SLC8A1: variants seen among roughly 807,000 people sequenced by gnomAD.
The protein encoded by SLC8A1 is sodium/calcium exchanger 1.
Under a neutral mutation model 68.3 loss-of-function variants are expected in SLC8A1, and 18 were observed. That is an observed-to-expected ratio of 0.26 (90% CI 0.18 to 0.39). SLC8A1 has a LOEUF of 0.39. Ranked by LOEUF, SLC8A1 falls within the 10% of genes least tolerant of loss-of-function variation. SLC8A1 has a pLI of 1.00. For synonymous variants in SLC8A1, 475 were observed against 415.5 expected (o/e 1.14, Z -1.74); for missense variants, 985 against 1,156.7 (o/e 0.85, Z 2.15).
intron 2 of SLC8A1, among the ~76,000 whole-genome samples, chr2:40,209,721 T>C (rs984969843): frequency 1.5e-4 from 23 of 152,054 alleles, no homozygotes; most frequent in African/African-American, 5.3e-4. Flanking sequence ...CATGGGTAGA[T>C]GTGGTCATGG....
intron 2 of SLC8A1, among the ~76,000 whole-genome samples, chr2:40,286,380 A>G (rs1030368964): frequency 1.3e-5 from 2 of 152,208 alleles, no homozygotes; most frequent in East Asian, 1.9e-4. Flanking sequence ...CTAGGTTGCC[A>G]TTGCCTTAAG....
intron 1 of SLC8A1, among the ~76,000 whole-genome samples, chr2:40,498,805 T>C (rs903166639): frequency 3.9e-5 from 6 of 152,052 alleles, no homozygotes; most frequent in African/African-American, 4.8e-5. Flanking sequence ...GCAGGCTAGA[T>C]GACATTTAGA....
intron 2 of SLC8A1, among the ~76,000 whole-genome samples, chr2:40,229,219 G>A (rs1317043781): frequency 2.0e-5 from 3 of 151,944 alleles, no homozygotes; most frequent in Non-Finnish European, 2.9e-5. Flanking sequence ...AGTGGAAGAG[G>A]TATCAATTAG....
At chr2:40,218,923 CT>C (rs1480300804) in intron 2 of SLC8A1, among the ~76,000 whole-genome samples, 1 of 152,052 alleles carries the variant, frequency 6.6e-6, no homozygotes, top group African/African-American at 2.4e-5. Flanking sequence ...GGAGTTACCC[CT>C]GAGTGCTTTT....
In SLC8A1 at chr2:40,270,508, T is replaced by C. The variant is rs141757724; in HGVS notation, c.1809-92653A>G. Among the ~76,000 whole-genome samples the C allele has an allele frequency of 2.0e-3, 300 of 152,328 alleles. 1 individual carries two copies. Among genetic ancestry groups the C allele is most frequent in the African/African-American group, 7.0e-3 (289 of 41,580 alleles). Reference sequence around the variant, plus strand: ...ACAGATCACCTGCATTCCCTGGCCTTTGGCCCTTTCCTCTATCTTCACAGT... The same window carrying C: ...ACAGATCACCTGCATTCCCTGGCCTCTGGCCCTTTCCTCTATCTTCACAGT... On this transcript the variant is annotated intron_variant, in intron 2 of 7. Transcript: ENST00000406785.
At chr2:40,226,928 T>G (rs2059052823) in intron 2 of SLC8A1, among the ~76,000 whole-genome samples, 1 of 152,188 alleles carries the variant, frequency 6.6e-6, no homozygotes, top group South Asian at 2.1e-4. Flanking sequence ...TACTGTTCTA[T>G]GTTAAAATAG....
At chr2:40,501,221 T>C (rs1706041947) in intron 1 of SLC8A1, among the ~76,000 whole-genome samples, 2 of 152,088 alleles carry the variant, frequency 1.3e-5, no homozygotes, top group South Asian at 4.1e-4. Context: ...TCTATCCTTC[T>C]CTATCTCTTT....
chr2:40,106,793 CA>C (rs1485243151), exon 8 of SLC8A1: 1 of 152,154 alleles, frequency 6.6e-6, no homozygotes, highest in Non-Finnish European at 1.5e-5. Flanking sequence ...AGAAATAAAA[CA>C]AAGTCTTTCC....
intron 2 of SLC8A1, among the ~76,000 whole-genome samples, chr2:40,261,377 T>C (rs1454686148): frequency 6.6e-6 from 1 of 152,208 alleles, no homozygotes; most frequent in Non-Finnish European, 1.5e-5. Context: ...AGGGTTTCTC[T>C]TTTGTACCAA....
chr2:40,408,314 C>T (rs1691022598), intron 2 of SLC8A1, among the ~76,000 whole-genome samples: 1 of 152,174 alleles, frequency 6.6e-6, no homozygotes, highest in Non-Finnish European at 1.5e-5. Context: ...TCAAATAATC[C>T]TCCCAGGCTT....
At chr2:40,320,168 T>TTA (rs540090418) in intron 2 of SLC8A1, among the ~76,000 whole-genome samples, 4,388 of 152,318 alleles carry the variant, frequency 0.029, 85 homozygotes, top group Non-Finnish European at 0.048. Context: ...CAGGTGTTTT[T>TTA]TATTTAATGT....
At chr2:40,392,947 G>C (rs1685789645) in intron 2 of SLC8A1, among the ~76,000 whole-genome samples, 1 of 152,022 alleles carries the variant, frequency 6.6e-6, no homozygotes, top group Non-Finnish European at 1.5e-5. Context: ...AGATTATAGT[G>C]TACTAGTAAA....
intron 2 of SLC8A1, among the ~76,000 whole-genome samples, chr2:40,182,173 A>G (rs1228379153): frequency 1.3e-5 from 2 of 152,248 alleles, no homozygotes; most frequent in African/African-American, 4.8e-5. Flanking sequence ...TTCTTTAAAT[A>G]GACAGGTTAA....
In SLC8A1 at chr2:40,212,283, C is replaced by CTT. The variant is rs11369856; in HGVS notation, c.1809-34430_1809-34429dup. Among the ~76,000 whole-genome samples, 1,117 of 136,810 alleles carry CTT rather than the reference C, an allele frequency of 8.2e-3. 22 individuals carry two copies. The highest frequency in any genetic ancestry group is 0.028 in the African/African-American group (1,022 of 36,524). 89.8% of individuals were successfully genotyped at this position (136,810 alleles called of 152,430 possible). On this transcript the variant is annotated intron_variant, in intron 2 of 7. Coordinates refer to ENST00000406785, the Ensembl canonical transcript of SLC8A1. ...GTGCTAAACAGAAGAGATGCAATAT[C>CTT]TTTTTTTTTTTTTTTTTTCCTGAGA...
chr2:40,370,138 C>A (rs1475943921), intron 2 of SLC8A1, among the ~76,000 whole-genome samples: 2 of 152,160 alleles, frequency 1.3e-5, no homozygotes, highest in South Asian at 4.1e-4. Flanking sequence ...ACACACAATA[C>A]CAGTTAAAAT....
chr2:40,381,749 AT>A (rs552992513), intron 2 of SLC8A1, among the ~76,000 whole-genome samples: 3 of 151,346 alleles, frequency 2.0e-5, no homozygotes, highest in African/African-American at 7.3e-5. Flanking sequence ...GAAACCAACC[AT>A]TGGGCCTCCT....
At chr2:40,337,635 A>G (rs557013913) in intron 2 of SLC8A1, among the ~76,000 whole-genome samples, 2 of 151,960 alleles carry the variant, frequency 1.3e-5, no homozygotes, top group Admixed American at 6.6e-5. Flanking sequence ...TTTAACCACA[A>G]TCTCCTAAAC....
chr2:40,195,276 G>C (rs779511195), intron 2 of SLC8A1, among the ~76,000 whole-genome samples: 7 of 152,062 alleles, frequency 4.6e-5, no homozygotes, highest in Non-Finnish European at 7.4e-5. Context: ...TGATAGTAAA[G>C]TATCTGGTAA....
intron 2 of SLC8A1, among the ~76,000 whole-genome samples, chr2:40,391,174 CGT>C (rs955742766): frequency 2.7e-5 from 4 of 149,206 alleles, no homozygotes; most frequent in Admixed American, 1.3e-4. Flanking sequence ...TATGTAGATG[CGT>C]GTGTGTATAT....
Sources: allele counts gnomAD v4.1 joint callset (sites outside exome capture counted in the v4.1 genomes callset), GRCh38; gene constraint gnomAD v4.1.1; transcripts MANE v1.5; gene names NCBI Gene and HGNC (gene_info 2026-07-23, HGNC 2026-07-21).